Variants in CACNA1S observed in about 807,000 individuals in gnomAD.
CACNA1S encodes voltage-dependent L-type calcium channel subunit alpha-1S.
A neutral mutation model predicts 207.4 loss-of-function variants in CACNA1S; 126 were observed. The observed-to-expected ratio is 0.61, with a 90% CI of 0.53 to 0.70. The LOEUF (loss-of-function observed/expected upper bound fraction) is 0.70, where lower values mean the gene tolerates loss of function less well. Among genes scored for constraint, CACNA1S ranks in the 30% least tolerant of loss-of-function variants. CACNA1S has a pLI of 0.00. For synonymous variants in CACNA1S, 960 were observed against 932.7 expected (o/e 1.03, Z -0.53); for missense variants, 2,349 against 2,422.8 (o/e 0.97, Z 0.64).
chr1:201,082,287 A>G (rs1661867035), intron 10 of CACNA1S, among the ~76,000 whole-genome samples: 1 of 152,026 alleles, frequency 6.6e-6, no homozygotes, highest in Non-Finnish European at 1.5e-5. Flanking sequence ...TCAGCCTCCC[A>G]AACTGCTGGG....
rs537322367 is a variant in CACNA1S, at chr1:201,088,682, C to T, written c.900+576G>A. On this transcript the variant is annotated intron_variant, in intron 6 of 43. Coordinates refer to ENST00000362061, the MANE Select transcript of CACNA1S (RefSeq NM_000069.3). The stretch of plus-strand genomic sequence containing the variant: ...CTTTATCTGTAAAATGGGAGCAATG[C>T]CTTCCATCATTGAAGGATGAAATAA... 3.9e-5 allele frequency among the ~76,000 whole-genome samples: 6 copies of T among 152,284 alleles called. No individual in the cohort carries two copies. The South Asian group carries it at 1.2e-3, about 32-fold the overall frequency.
Position 201,043,295 on chromosome 1 carries a change from G to A in CACNA1S, c.5034C>T (p.Ser1678=), listed in dbSNP as rs1660346247. 3.1e-6 allele frequency: 5 copies of A among 1,614,198 alleles called. No homozygotes were observed. Among genetic ancestry groups the A allele is most frequent in the East Asian group, 2.2e-5 (1 of 44,872 alleles). ...GCCGCCACTACCTGGAAAACACATGGCTGTTGCTATGGTTGCTGTTGCCAT... is the reference window on the plus strand; with the variant it reads ...GCCGCCACTACCTGGAAAACACATGACTGTTGCTATGGTTGCTGTTGCCAT... The part of the protein sequence containing the change: ...VAYGNSNHSN[S]HVFSSVHYER... Residue 1678 remains serine (S), a synonymous_variant, in exon 40 of 44, where the codon AGC becomes AGT. Transcript: ENST00000362061.
chr1:201,080,460 C>T (rs1035138686), intron 10 of CACNA1S, among the ~76,000 whole-genome samples: 2 of 152,114 alleles, frequency 1.3e-5, no homozygotes, highest in Non-Finnish European at 1.5e-5. Context: ...GGCACATTCA[C>T]GGTGCTCTCG....
At position 201,074,588 on chromosome 1, in the gene CACNA1S, C is replaced by G. The variant is rs764736462; in HGVS notation, c.1981G>C (p.Val661Leu). The G allele has an allele frequency of 3.1e-6, 5 of 1,613,510 alleles. No individual in the cohort carries two copies. Among genetic ancestry groups the G allele is most frequent in the Non-Finnish European group, 4.2e-6 (5 of 1,179,622 alleles). The change falls in exon 14 of 44, where the codon GTG becomes CTG. Residue 661 changes from valine (V) to leucine (L), a missense_variant. Transcript: ENST00000362061. ...CTCTCCGCCTCGGCCAGGTTGTCCA[C>G]GGCAATGGCCAGGAAGACATTGAGC... ...ILLNVFLAIA[V>L]DNLAEAESLT...
In CACNA1S at chr1:201,075,582, A is replaced by G; in HGVS notation, c.1861T>C (p.Tyr621His). The G allele has an allele frequency of 1.2e-6, 2 of 1,614,076 alleles. No individual in the cohort carries two copies. Among genetic ancestry groups the G allele is most frequent in the Non-Finnish European group, 1.7e-6 (2 of 1,179,978 alleles). The change falls in exon 13 of 44, where the codon TAC (tyrosine) becomes CAC (histidine). Residue 621 changes from tyrosine to histidine, a missense_variant. Tyr to His is a moderately conservative substitution (Grantham distance 83). Transcript: ENST00000362061. ...LTGEDWTSMMYNGIMAYGGPS... is the reference protein window; with the variant it reads ...LTGEDWTSMMHNGIMAYGGPS... ...CCGCCGTAGGCCATGATCCCATTGT[A>G]CATCATTGAGGTCCAGTCTTCCCCT...
chr1:201,075,959 T>C (rs548752531), intron 12 of CACNA1S, among the ~76,000 whole-genome samples: 1 of 152,152 alleles, frequency 6.6e-6, no homozygotes, highest in Admixed American at 6.5e-5. Context: ...TCCCAGCTAT[T>C]TGGGAGGCTG....
intron 2 of CACNA1S, among the ~76,000 whole-genome samples, chr1:201,099,424 G>A (rs1251759657): frequency 2.0e-5 from 3 of 152,216 alleles, no homozygotes; most frequent in Non-Finnish European, 4.4e-5. Flanking sequence ...GGCTCCCTGG[G>A]AATGTGCACT....
In CACNA1S at chr1:201,077,117, A is replaced by G. The variant is rs1315480451; in HGVS notation, c.1630T>C (p.Ser544Pro). The G allele has an allele frequency of 1.2e-6, 2 of 1,614,034 alleles. No homozygotes were observed. Among genetic ancestry groups the G allele is most frequent in the Middle Eastern group, 1.7e-4 (1 of 6,046 alleles). ...AGGGATGCCACCAGGTTGCTCAGCG[A>G]CGTCCAATATCTGAAGGAAGAGGAG... ...RIFKITKYWTSLSNLVASLLN... is the reference protein window; with the variant it reads ...RIFKITKYWTPLSNLVASLLN... The change falls in exon 12 of 44, where the codon TCG (serine) becomes CCG (proline). Residue 544 changes from serine to proline, a missense_variant. Physicochemically the swap from Ser to Pro is moderately conservative, Grantham distance 74. Transcript: ENST00000362061.
chr1:201,081,703 G>C (rs932086476), intron 10 of CACNA1S, among the ~76,000 whole-genome samples: 3 of 151,288 alleles, frequency 2.0e-5, no homozygotes, highest in Non-Finnish European at 4.4e-5. Flanking sequence ...TGGAGCTGGG[G>C]CCTGGTGGGG....
At chr1:201,092,736 G>A (rs959357852) in intron 3 of CACNA1S, among the ~76,000 whole-genome samples, 1 of 152,208 alleles carries the variant, frequency 6.6e-6, no homozygotes. Flanking sequence ...GTACGCATTT[G>A]TCTTGGCTTC....
chr1:201,088,724 C>G (rs1044981335), intron 6 of CACNA1S, among the ~76,000 whole-genome samples: 1 of 152,202 alleles, frequency 6.6e-6, no homozygotes, highest in Non-Finnish European at 1.5e-5. Context: ...TAGCTCTTAA[C>G]AAACACCAAA....
At position 201,066,377 on chromosome 1, in the gene CACNA1S, G is replaced by A. The variant is rs879483454; in HGVS notation, c.2658-61C>T. 32 of 1,430,742 alleles carry A rather than the reference G, an allele frequency of 2.2e-5. No homozygotes were observed. The Admixed American group carries it at 5.4e-4, about 24-fold the overall frequency. 88.6% of individuals were successfully genotyped at this position (1,430,742 alleles called of 1,614,324 possible). On this transcript the variant is annotated intron_variant, in intron 20 of 43. Coordinates refer to ENST00000362061, the MANE Select transcript of CACNA1S (RefSeq NM_000069.3). This position sits in a 1 kb window ranked among gnomAD's most constrained non-coding sequence, Gnocchi z 4.3. ...CCTGCTCCAGCCAGCCCAGTCTGCG[G>A]TGGAGCCTCCAGCCATATCCTGCCC... is the stretch of plus-strand genomic sequence containing the variant.
chr1:201,080,747 T>G (rs562733213), intron 10 of CACNA1S, among the ~76,000 whole-genome samples: 1 of 152,184 alleles, frequency 6.6e-6, no homozygotes, highest in Non-Finnish European at 1.5e-5. Context: ...TTTTTGTTGT[T>G]GTTTGTTTGT....
In CACNA1S at chr1:201,093,935, G is replaced by A. The variant is rs144218745; in HGVS notation, c.345C>T (p.Asp115=). Reference sequence around the variant, plus strand: ...CATTCCAGCCACTGCGCAGGTAAGCGTCCTGGTGGAATAAGAAGCCGTAGG... The same window carrying A: ...CATTCCAGCCACTGCGCAGGTAAGCATCCTGGTGGAATAAGAAGCCGTAGG... ...IIAYGFLFHQ[D]AYLRSGWNVL... The change falls in exon 3 of 44, where the codon GAC becomes GAT. Residue 115 remains aspartate, a synonymous_variant. Transcript: ENST00000362061. 9.3e-4 allele frequency: 1,508 copies of A among 1,614,226 alleles called. 1 individual carries two copies. Among genetic ancestry groups the A allele is most frequent in the Non-Finnish European group, 1.2e-3 (1,419 of 1,180,038 alleles).
At chr1:201,072,692 A>G (rs1457000519) in intron 16 of CACNA1S, 63 bp downstream of exon 16, 9 of 1,252,512 alleles carry the variant, frequency 7.2e-6, no homozygotes, top group African/African-American at 1.5e-5. Flanking sequence ...GGGAGAATTC[A>G]GGACCGGCAC....
chr1:201,044,825 C>A (rs1455439439), intron 38 of CACNA1S, among the ~76,000 whole-genome samples: 1 of 152,130 alleles, frequency 6.6e-6, no homozygotes, highest in East Asian at 1.9e-4. Flanking sequence ...CTTCGTATGG[C>A]TTACTTGTTT....
chr1:201,072,730 C>G (rs761793181), intron 16 of CACNA1S, 25 bp downstream of exon 16: 2 of 1,594,882 alleles, frequency 1.3e-6, no homozygotes, highest in South Asian at 1.1e-5. Flanking sequence ...GCACCCTGCT[C>G]CAGTCCAGTC....
At chr1:201,077,597 C>T (rs530007702) in intron 11 of CACNA1S, among the ~76,000 whole-genome samples, 5 of 152,334 alleles carry the variant, frequency 3.3e-5, no homozygotes, top group African/African-American at 1.2e-4. Flanking sequence ...TTCCCTCTTC[C>T]CATCTTTCCT....
At position 201,043,634 on chromosome 1, in the gene CACNA1S, A is replaced by G. The variant is rs947869362; in HGVS notation, c.4798-103T>C. The G allele has an allele frequency of 7.4e-6, 8 of 1,078,184 alleles. No homozygotes were observed. In the Admixed American group the frequency reaches 1.3e-4, roughly 17 times the overall value. The allele number at this position is 1,078,184 out of a possible 1,614,324, so 66.8% of individuals were successfully genotyped here. On this transcript the variant is annotated intron_variant, in intron 39 of 43. Transcript: ENST00000362061. ...ATTGGGAACAAGCAATAGTATTGGG[A>G]GACAAATCTTATAAGGCCAAAGGAG...
Sources: allele counts gnomAD v4.1 joint callset (sites outside exome capture counted in the v4.1 genomes callset), GRCh38; gene constraint gnomAD v4.1.1; non-coding constraint Gnocchi (gnomAD v3.1); transcripts MANE v1.5; gene names NCBI Gene and HGNC (gene_info 2026-07-23, HGNC 2026-07-21).